The following ADAMTS17 variants were observed in gnomAD, a reference collection of about 807,000 sequenced individuals.
The protein encoded by ADAMTS17 is ADAM metallopeptidase with thrombospondin type 1 motif 17.
Under a neutral mutation model 141.5 loss-of-function variants are expected in ADAMTS17, and 113 were observed. The ratio of observed to expected loss-of-function variants is 0.80; its 90% CI spans 0.69 to 0.93. ADAMTS17 has a LOEUF of 0.93. Among genes scored for constraint, ADAMTS17 ranks in the 40% least tolerant of loss-of-function variants. ADAMTS17 has a pLI of 0.00. For synonymous variants in ADAMTS17, 768 were observed against 630.6 expected (o/e 1.22, Z -3.27); for missense variants, 1,659 against 1,517.9 (o/e 1.09, Z -1.54).
At chr15:100,278,346 C>T (rs985250179) in intron 4 of ADAMTS17, among the ~76,000 whole-genome samples, 4 of 150,374 alleles carry the variant, frequency 2.7e-5, no homozygotes, top group African/African-American at 9.8e-5. Context: ...AAAAAAAACC[C>T]AGAAAAAGAA....
chr15:100,252,915 G>A (rs2043197805), intron 7 of ADAMTS17, among the ~76,000 whole-genome samples: 1 of 152,128 alleles, frequency 6.6e-6, no homozygotes, highest in African/African-American at 2.4e-5. Flanking sequence ...CTAACCCAAA[G>A]TGATCATTTG....
At chr15:100,221,834 GCTGCTTGTTGACTT>G (rs2042142687) in intron 7 of ADAMTS17, among the ~76,000 whole-genome samples, 1 of 152,180 alleles carries the variant, frequency 6.6e-6, no homozygotes, top group African/African-American at 2.4e-5. Flanking sequence ...CTGAAATAAG[GCTGCTTGTTGACTT>G]CTGCCTGTGC....
intron 20 of ADAMTS17, among the ~76,000 whole-genome samples, chr15:99,988,095 G>A (rs1451419432): frequency 2.6e-5 from 4 of 151,978 alleles, no homozygotes; most frequent in Admixed American, 6.6e-5. Flanking sequence ...ATAACAGCTC[G>A]GTGCACACAA....
At chr15:100,334,647 A>C (rs1319930325) in intron 2 of ADAMTS17, among the ~76,000 whole-genome samples, 1 of 152,120 alleles carries the variant, frequency 6.6e-6, no homozygotes, top group East Asian at 1.9e-4. Flanking sequence ...TCCCCCACGC[A>C]ACACGGCCAC....
intron 15 of ADAMTS17, among the ~76,000 whole-genome samples, chr15:100,068,100 A>G (rs2033681140): frequency 6.6e-6 from 1 of 152,058 alleles, no homozygotes; most frequent in African/African-American, 2.4e-5. Flanking sequence ...ACGCCAGGAG[A>G]TTATATCCTG....
intron 3 of ADAMTS17, among the ~76,000 whole-genome samples, chr15:100,314,736 G>A (rs2045508415): frequency 6.6e-6 from 1 of 152,210 alleles, no homozygotes; most frequent in African/African-American, 2.4e-5. Context: ...ACAAGACTTT[G>A]GTTCAGAAAC....
intron 3 of ADAMTS17, among the ~76,000 whole-genome samples, chr15:100,304,433 T>C (rs1284165394): frequency 6.6e-6 from 1 of 152,228 alleles, no homozygotes; most frequent in African/African-American, 2.4e-5. Context: ...GTAAATTCAT[T>C]CTGACTACAA....
chr15:100,077,867 G>A (rs562663610), intron 15 of ADAMTS17, among the ~76,000 whole-genome samples: 34 of 152,010 alleles, frequency 2.2e-4, no homozygotes, highest in African/African-American at 8.2e-4. Context: ...AAAATCCCAA[G>A]GAATCCATTA....
At chr15:100,253,243 C>A (rs554239945) in intron 7 of ADAMTS17, among the ~76,000 whole-genome samples, 1 of 148,758 alleles carries the variant, frequency 6.7e-6, no homozygotes, top group Non-Finnish European at 1.5e-5. Context: ...ATTAACCAAA[C>A]ACTGTGTGCA....
intron 7 of ADAMTS17, among the ~76,000 whole-genome samples, chr15:100,251,384 AC>A (rs988221220): frequency 2.0e-5 from 3 of 152,214 alleles, no homozygotes; most frequent in African/African-American, 7.2e-5. Context: ...TTATGTAGAA[AC>A]CCTAACTCCC....
At chr15:100,116,116 G>T (rs183105299) in intron 13 of ADAMTS17, among the ~76,000 whole-genome samples, 1 of 64,062 alleles carries the variant, frequency 1.6e-5, no homozygotes, top group East Asian at 6.1e-4. Context: ...GTTTCCTAAA[G>T]AAGAACAGTT....
At chr15:100,271,180 T>A (rs1044487793) in intron 4 of ADAMTS17, among the ~76,000 whole-genome samples, 2 of 152,234 alleles carry the variant, frequency 1.3e-5, no homozygotes, top group African/African-American at 4.8e-5. Flanking sequence ...CACCATTTAG[T>A]TATGGTGAAT....
At chr15:100,205,254 A>C (rs1042922081) in intron 7 of ADAMTS17, among the ~76,000 whole-genome samples, 6 of 152,156 alleles carry the variant, frequency 3.9e-5, no homozygotes, top group African/African-American at 1.4e-4. Context: ...CTACAAGATA[A>C]CATTTTCATG....
chr15:100,203,417 A>G (rs1001450658), intron 7 of ADAMTS17, among the ~76,000 whole-genome samples: 2 of 152,142 alleles, frequency 1.3e-5, no homozygotes, highest in African/African-American at 4.8e-5. Context: ...TACTAAAAAT[A>G]CAAAATTGGT....
At chr15:100,041,485 G>A (rs377762718) in intron 18 of ADAMTS17, among the ~76,000 whole-genome samples, 1 of 152,194 alleles carries the variant, frequency 6.6e-6, no homozygotes, top group African/African-American at 2.4e-5. Flanking sequence ...GACCACCTGA[G>A]GCTGGGTCTC....
chr15:100,058,688 C>G (rs1258690399), intron 15 of ADAMTS17, among the ~76,000 whole-genome samples: 1 of 152,224 alleles, frequency 6.6e-6, no homozygotes, highest in African/African-American at 2.4e-5. Flanking sequence ...GCAACTACAG[C>G]ACGAGGTGGA....
At chr15:100,220,326 G>A (rs958873477) in intron 7 of ADAMTS17, among the ~76,000 whole-genome samples, 1 of 152,150 alleles carries the variant, frequency 6.6e-6, no homozygotes, top group African/African-American at 2.4e-5. Context: ...CCTAAGTGGG[G>A]TGGCAGCGGA....
intron 13 of ADAMTS17, among the ~76,000 whole-genome samples, chr15:100,113,949 T>C (rs1202433248): frequency 6.6e-6 from 1 of 152,210 alleles, no homozygotes; most frequent in Non-Finnish European, 1.5e-5. Context: ...AGGACTGAAC[T>C]CTTGAAGGTT....
chr15:100,138,458 T>TA (rs965234656), intron 10 of ADAMTS17, among the ~76,000 whole-genome samples: 62 of 152,318 alleles, frequency 4.1e-4, no homozygotes, highest in African/African-American at 1.5e-3. Context: ...CTGTTGAATA[T>TA]AAGAAACTGG....
Sources: allele counts gnomAD v4.1 joint callset (sites outside exome capture counted in the v4.1 genomes callset), GRCh38; gene constraint gnomAD v4.1.1; transcripts MANE v1.5; gene names NCBI Gene and HGNC (gene_info 2026-07-23, HGNC 2026-07-21).